The following TMEM164 variants were observed in gnomAD, a reference collection of about 807,000 sequenced individuals.
The protein encoded by TMEM164 is RP13-360B22.2.
A neutral mutation model predicts 18.8 loss-of-function variants in TMEM164; 4 were observed. The observed-to-expected ratio is 0.21, with a 90% CI of 0.10 to 0.49. TMEM164 has a LOEUF of 0.49. Among genes scored for constraint, TMEM164 ranks in the 20% least tolerant of loss-of-function variants. The pLI, the probability that TMEM164 is intolerant of heterozygous loss-of-function variation, is 0.98. For missense variants in TMEM164, 108 were observed against 239.9 expected, an observed-to-expected ratio of 0.45 and a Z score of 3.63; for synonymous variants, 86 against 101.7, an observed-to-expected ratio of 0.85 and a Z score of 0.93.
intron 2 of TMEM164, among the ~76,000 whole-genome samples, chrX:110,067,023 C>T (rs1414267617): frequency 5.4e-5 from 6 of 111,168 alleles, no homozygotes; most frequent in African/African-American, 2.0e-4. Flanking sequence ...ATGGTGTGTG[C>T]GTGTTCCATG....
In TMEM164 at chrX:110,009,217, A is replaced by G. The variant is rs201045943; in HGVS notation, c.390+5053A>G. Among the ~76,000 whole-genome samples, 3 of 112,170 alleles carry G rather than the reference A, an allele frequency of 2.7e-5. No individual in the cohort carries two copies. In the East Asian group the frequency reaches 8.3e-4, roughly 31 times the overall value. ...CAGAATTTTTATTCCTTTGCCACAG[A>G]TGGGCCACCTTCTTCTCAGTCTTTG... is the stretch of plus-strand genomic sequence containing the variant. On this transcript the variant is annotated intron_variant, in intron 2 of 6. Transcript: ENST00000372068.
At chrX:110,163,358 A>C (rs2067117516) in intron 5 of TMEM164, among the ~76,000 whole-genome samples, 2 of 112,486 alleles carry the variant, frequency 1.8e-5, no homozygotes, top group Admixed American at 1.9e-4. Flanking sequence ...ATCTTACTTA[A>C]CCCAGTATAT....
At chrX:110,108,068 C>CTGTCTGTGTG (rs2066234103) in intron 3 of TMEM164, among the ~76,000 whole-genome samples, 2 of 46,373 alleles carry the variant, frequency 4.3e-5, no homozygotes, top group African/African-American at 1.8e-4. Flanking sequence ...AGGAGGTATG[C>CTGTCTGTGTG]TGTGTGTGTG....
At chrX:110,074,726 A>G (rs1160190843) in intron 3 of TMEM164, among the ~76,000 whole-genome samples, 1 of 111,964 alleles carries the variant, frequency 8.9e-6, no homozygotes, top group Non-Finnish European at 1.9e-5. Flanking sequence ...TTCTTTCCCC[A>G]TTGTTTACTT....
intron 4 of TMEM164, among the ~76,000 whole-genome samples, chrX:110,116,923 CAG>C (rs1375638574): frequency 2.9e-5 from 3 of 102,669 alleles, no homozygotes; most frequent in East Asian, 6.1e-4. Context: ...GGGTGGGAGA[CAG>C]AGAAAACACA....
intron 2 of TMEM164, among the ~76,000 whole-genome samples, chrX:110,033,352 A>G: frequency 8.9e-6 from 1 of 112,070 alleles, no homozygotes; most frequent in East Asian, 2.8e-4. Flanking sequence ...AAACCTGATG[A>G]TGGTAGTTTG....
chrX:110,111,684 C>A (rs1421198564), intron 4 of TMEM164, among the ~76,000 whole-genome samples: 5 of 111,870 alleles, frequency 4.5e-5, no homozygotes, highest in Non-Finnish European at 9.4e-5. Flanking sequence ...TCTAGTAGGA[C>A]CTTTCCCCCA....
chrX:110,032,100 G>A (rs1236381984), intron 2 of TMEM164, among the ~76,000 whole-genome samples: 2 of 111,281 alleles, frequency 1.8e-5, no homozygotes, highest in Admixed American at 9.6e-5. Flanking sequence ...TAAAGGTCAG[G>A]GGTTGAAGGA....
intron 2 of TMEM164, among the ~76,000 whole-genome samples, chrX:110,051,593 A>AAAAAAAAG (rs1555991740): frequency 9.7e-6 from 1 of 102,960 alleles, no homozygotes; most frequent in Admixed American, 1.1e-4. Flanking sequence ...CAAAAAAAAA[A>AAAAAAAAG]AAAGAAAGAA....
At chrX:110,037,202 T>C (rs1190388332) in intron 2 of TMEM164, among the ~76,000 whole-genome samples, 1 of 110,368 alleles carries the variant, frequency 9.1e-6, no homozygotes, top group African/African-American at 3.3e-5. Flanking sequence ...AAAAGGGAGA[T>C]GATGCCAGAT....
intron 2 of TMEM164, chrX:110,046,247 G>T: frequency 2.7e-6 from 2 of 754,491 alleles, no homozygotes; most frequent in Non-Finnish European, 3.1e-6. Flanking sequence ...AAGAGGCAGG[G>T]ATCCTGACTG....
chrX:110,173,204 A>G (rs1458380790), intron 6 of TMEM164, 41 bp from the exon 7 acceptor site: 1 of 1,181,075 alleles, frequency 8.5e-7, no homozygotes, highest in Admixed American at 2.2e-5. Flanking sequence ...GAGAAAGCCT[A>G]AGGATGGTGA....
intron 3 of TMEM164, among the ~76,000 whole-genome samples, chrX:110,093,851 G>C (rs1426315308): frequency 3.6e-5 from 4 of 111,929 alleles, no homozygotes; most frequent in Non-Finnish European, 7.5e-5. Context: ...TCTATACTCA[G>C]CTTTAAATGT....
At chrX:110,167,751 AG>A (rs753666473) in intron 5 of TMEM164, among the ~76,000 whole-genome samples, 1 of 111,818 alleles carries the variant, frequency 8.9e-6, no homozygotes, top group Admixed American at 9.5e-5. Flanking sequence ...ACTGTGTACC[AG>A]GTGCTGGACG....
chrX:110,126,966 G>A, intron 4 of TMEM164, among the ~76,000 whole-genome samples: 1 of 109,531 alleles, frequency 9.1e-6, no homozygotes, highest in Non-Finnish European at 1.9e-5. Flanking sequence ...GGTGCTGAAA[G>A]AATTGAGCAA....
chrX:110,029,915 A>G (rs929343413), intron 2 of TMEM164, among the ~76,000 whole-genome samples: 3 of 110,730 alleles, frequency 2.7e-5, no homozygotes, highest in Non-Finnish European at 5.7e-5. Context: ...GTGTTCTTTC[A>G]TTTGAATGTA....
Position 110,173,213 on chromosome X carries a change from GA to G in TMEM164, c.688-30del, listed in dbSNP as rs780803799. 3.3e-6 allele frequency: 4 copies of G among 1,194,272 alleles called. No homozygotes were observed. The African/African-American group carries it at 7.1e-5, about 21-fold the overall frequency. On this transcript the variant is annotated intron_variant, in intron 6 of 6. Coordinates refer to ENST00000372068, the MANE Select transcript of TMEM164 (RefSeq NM_032227.4). ...AAGCCAGAGAAAGCCTAAGGATGGT[GA>G]ACGCTCACTCTACCTCCCTTGTCCC...
intron 2 of TMEM164, chrX:110,065,078 G>A (rs1199766972): frequency 9.3e-6 from 1 of 107,721 alleles, no homozygotes; most frequent in African/African-American, 3.4e-5. Context: ...AAGATGAAAC[G>A]ACTAAAGTTA....
chrX:110,013,633 C>T (rs759854448), intron 2 of TMEM164, among the ~76,000 whole-genome samples: 1 of 111,553 alleles, frequency 9.0e-6, no homozygotes, highest in African/African-American at 3.3e-5. Context: ...AGGAATGCTT[C>T]ATTTTCCTAA....
Sources: allele counts gnomAD v4.1 joint callset (sites outside exome capture counted in the v4.1 genomes callset), GRCh38; gene constraint gnomAD v4.1.1; transcripts MANE v1.5; gene names NCBI Gene and HGNC (gene_info 2026-07-23, HGNC 2026-07-21).